Variants in DOCK9 observed in about 807,000 individuals in gnomAD.
DOCK9 encodes dedicator of cytokinesis protein 9.
Under a neutral mutation model 263.3 loss-of-function variants are expected in DOCK9, and 89 were observed. The observed-to-expected ratio is 0.34, with a 90% confidence interval of 0.28 to 0.40. The LOEUF (loss-of-function observed/expected upper bound fraction) is 0.40. Among genes scored for constraint, DOCK9 ranks in the 10% least tolerant of loss-of-function variants. The probability of loss-of-function intolerance (pLI) is 1.00; values close to 1 mark genes in which losing one functional copy is unlikely to be tolerated. For missense variants in DOCK9, 2,140 were observed against 2,603.4 expected, an observed-to-expected ratio of 0.82 and a Z score of 3.87; for synonymous variants, 976 against 973.1, an observed-to-expected ratio of 1.00 and a Z score of -0.06.
chr13:98,884,735 G>A (rs2045410674), intron 21 of DOCK9, among the ~76,000 whole-genome samples: 1 of 148,712 alleles, frequency 6.7e-6, no homozygotes, highest in Non-Finnish European at 1.5e-5. Flanking sequence ...CTATTTTTCC[G>A]CTGAGACACC....
chr13:98,972,628 T>A (rs1307313365), intron 1 of DOCK9, among the ~76,000 whole-genome samples: 4 of 152,186 alleles, frequency 2.6e-5, no homozygotes, highest in Non-Finnish European at 5.9e-5. Flanking sequence ...AGGAGCCTCA[T>A]GTAACACTGA....
chr13:99,036,148 C>T (rs1467772696), intron 1 of DOCK9, among the ~76,000 whole-genome samples: 1 of 152,148 alleles, frequency 6.6e-6, no homozygotes, highest in East Asian at 1.9e-4. Context: ...ATAATACATA[C>T]ACACATACAC....
chr13:98,962,167 T>C (rs2058707000), intron 1 of DOCK9, among the ~76,000 whole-genome samples: 1 of 152,164 alleles, frequency 6.6e-6, no homozygotes, highest in Non-Finnish European at 1.5e-5. Flanking sequence ...ATCATGATCA[T>C]ATGAAGAGGC....
At chr13:98,795,198 T>C (rs2089212138) in intron 52 of DOCK9, among the ~76,000 whole-genome samples, 1 of 152,228 alleles carries the variant, frequency 6.6e-6, no homozygotes, top group Non-Finnish European at 1.5e-5. Context: ...TACATGTGCT[T>C]GACTGGGACA....
At chr13:98,970,125 G>A (rs969022691) in intron 1 of DOCK9, among the ~76,000 whole-genome samples, 23 of 145,744 alleles carry the variant, frequency 1.6e-4, no homozygotes, top group Admixed American at 2.1e-4. Flanking sequence ...TTCCCAAATA[G>A]CTAGGACTAC....
chr13:98,860,642 C>T, intron 32 of DOCK9, 120 bp from the exon 33 acceptor site: 1 of 762,236 alleles, frequency 1.3e-6, no homozygotes, highest in Non-Finnish European at 1.9e-6. Context: ...ACGTGCCTGC[C>T]TGCATGGGAG....
intron 25 of DOCK9, 82 bp from the exon 26 acceptor site, chr13:98,880,754 A>T: frequency 6.6e-7 from 1 of 1,522,794 alleles, no homozygotes; most frequent in Non-Finnish European, 8.9e-7. Flanking sequence ...AAGAATGGAG[A>T]TCAGGGACTG....
chr13:99,003,119 T>C (rs944293339), intron 1 of DOCK9, among the ~76,000 whole-genome samples: 1 of 152,062 alleles, frequency 6.6e-6, no homozygotes, highest in Non-Finnish European at 1.5e-5. Flanking sequence ...AGGGGATACC[T>C]TGAAATTCTG....
chr13:98,860,702 G>A (rs925009797), intron 32 of DOCK9, among the ~76,000 whole-genome samples, 180 bp from the exon 33 acceptor site: 1 of 150,968 alleles, frequency 6.6e-6, no homozygotes, highest in African/African-American at 2.4e-5. Flanking sequence ...GGGTCAGAGG[G>A]GGAGCAGGGG....
chr13:98,900,223 G>A (rs1202625043), intron 13 of DOCK9, among the ~76,000 whole-genome samples: 6 of 152,188 alleles, frequency 3.9e-5, no homozygotes, highest in African/African-American at 1.4e-4. Flanking sequence ...GGAGGAGTGT[G>A]CAGAGGTAAG....
chr13:98,901,721 T>C, intron 13 of DOCK9, 57 bp downstream of exon 13: 1 of 1,584,282 alleles, frequency 6.3e-7, no homozygotes, highest in Non-Finnish European at 8.6e-7. Context: ...TAGTATCACA[T>C]AAAGGCCTCT....
intron 52 of DOCK9, 127 bp downstream of exon 52, chr13:98,796,981 AGGAGTGT>A: frequency 1.1e-6 from 1 of 902,954 alleles, no homozygotes; most frequent in Non-Finnish European, 1.7e-6. Context: ...AGAGCATGGC[AGGAGTGT>A]GGTATGCTAC....
intron 9 of DOCK9, among the ~76,000 whole-genome samples, chr13:98,909,977 C>A (rs1212293931): frequency 6.6e-6 from 1 of 152,160 alleles, no homozygotes; most frequent in African/African-American, 2.4e-5. Flanking sequence ...GTGAGCAATT[C>A]CGGATTTAGA....
intron 52 of DOCK9, chr13:98,796,216 G>A: frequency 6.3e-7 from 1 of 1,587,118 alleles, no homozygotes; most frequent in Non-Finnish European, 8.6e-7. Flanking sequence ...CATCCCAGCT[G>A]AACGTGTTAG....
chr13:99,075,452 A>C (rs1596047124), intron 1 of DOCK9, among the ~76,000 whole-genome samples: 2 of 148,930 alleles, frequency 1.3e-5, no homozygotes, highest in South Asian at 4.2e-4. Context: ...TCCTGGACTT[A>C]AGCAATCCTG....
chr13:98,983,620 A>AT (rs543813568), intron 1 of DOCK9, among the ~76,000 whole-genome samples: 5,331 of 143,954 alleles, frequency 0.037, 147 homozygotes, highest in South Asian at 0.072. Flanking sequence ...TATTATTATT[A>AT]TTATTTTTTT....
chr13:98,942,234 T>C (rs1260785490), intron 2 of DOCK9, among the ~76,000 whole-genome samples: 4 of 124,114 alleles, frequency 3.2e-5, no homozygotes, highest in Non-Finnish European at 6.5e-5. Flanking sequence ...TTTTTTTTGT[T>C]GTTTTTTTTT....
chr13:98,979,721 T>C (rs1876647201), upstream of DOCK9, among the ~76,000 whole-genome samples: 2 of 152,174 alleles, frequency 1.3e-5, no homozygotes, highest in South Asian at 4.1e-4. Context: ...TATCTATAAA[T>C]TTTAAAAATC....
Position 98,905,778 on chromosome 13 carries a change from TAAA to T in DOCK9, c.961-1075_961-1073del, listed in dbSNP as rs60175188. Reference sequence around the variant, plus strand: ...CTTTCTTAATAAACTTGCTTTCACTTAAAAAAAAAAAAAAAGGATTGGGGATTT... The same window carrying T: ...CTTTCTTAATAAACTTGCTTTCACTTAAAAAAAAAAAAGGATTGGGGATTT... On this transcript the variant is annotated intron_variant, in intron 9 of 52. Transcript: ENST00000682017. Among the ~76,000 whole-genome samples, 584 of 148,232 alleles carry T rather than the reference TAAA, an allele frequency of 3.9e-3. 2 individuals carry two copies. Among genetic ancestry groups the T allele is most frequent in the East Asian group, 0.02 (99 of 4,966 alleles).
Sources: gnomAD v4.1 joint callset for allele counts (sites outside exome capture counted in the v4.1 genomes callset) on GRCh38, gnomAD v4.1.1 for gene constraint, MANE v1.5 for transcripts, NCBI Gene and HGNC (gene_info 2026-07-23, HGNC 2026-07-21) for gene names.